MIER1: variants seen among roughly 807,000 people sequenced by gnomAD.
The protein encoded by MIER1 is mesoderm induction early response protein 1.
MIER1 carries 40 observed loss-of-function variants against 75.7 expected under a neutral mutation model. The ratio of observed to expected loss-of-function variants is 0.53; its 90% CI spans 0.41 to 0.69. MIER1 has a LOEUF of 0.69. Among genes scored for constraint, MIER1 ranks in the 30% least tolerant of loss-of-function variants. The pLI, the probability that MIER1 is intolerant of heterozygous loss-of-function variation, is 0.00. For missense variants in MIER1, 574 were observed against 680.2 expected (o/e 0.84, Z 1.74); for synonymous variants, 213 against 223.4 (o/e 0.95, Z 0.42).
chr1:66,957,817 A>C (rs1660475103), intron 4 of MIER1, among the ~76,000 whole-genome samples: 1 of 152,138 alleles, frequency 6.6e-6, no homozygotes, highest in East Asian at 1.9e-4. Context: ...GCCACTTTTT[A>C]ATTATACTTA....
intron 3 of MIER1, among the ~76,000 whole-genome samples, chr1:66,944,959 C>T (rs911950600): frequency 6.6e-6 from 1 of 151,998 alleles, no homozygotes; most frequent in Non-Finnish European, 1.5e-5. Context: ...CTCTTAGGCT[C>T]AGGTGATCCT....
chr1:66,936,406 G>A (rs1654850477), intron 2 of MIER1, among the ~76,000 whole-genome samples: 2 of 151,498 alleles, frequency 1.3e-5, no homozygotes, highest in African/African-American at 4.8e-5. Context: ...AAAAGTTTTT[G>A]TATTTTAGTA....
intron 11 of MIER1, among the ~76,000 whole-genome samples, chr1:66,975,240 C>T (rs1006232947): frequency 3.9e-5 from 6 of 152,130 alleles, no homozygotes; most frequent in African/African-American, 1.4e-4. Context: ...TTTAAATGGT[C>T]AGTATTGCCG....
At position 66,982,126 on chromosome 1, in the gene MIER1, C is replaced by G. The variant is rs143864195; in HGVS notation, c.1369+208C>G. On this transcript the variant is annotated intron_variant, in intron 13 of 13. Transcript: ENST00000401041. ...CACTAAAAAGTAATTTTAATAAAGC[C>G]TACTGTCAACAGTGACTATTTCTTG... 2.6e-3 allele frequency among the ~76,000 whole-genome samples: 399 copies of G among 152,270 alleles called. 1 individual carries two copies. Among genetic ancestry groups the G allele is most frequent in the African/African-American group, 9.3e-3 (385 of 41,536 alleles).
At chr1:66,945,110 CTG>C (rs1242343499) in intron 3 of MIER1, among the ~76,000 whole-genome samples, 1 of 152,042 alleles carries the variant, frequency 6.6e-6, no homozygotes, top group African/African-American at 2.4e-5. Flanking sequence ...ATTCAGATGA[CTG>C]TATATTTCAC....
chr1:66,934,064 T>C (rs1490010732), intron 2 of MIER1, among the ~76,000 whole-genome samples: 1 of 152,164 alleles, frequency 6.6e-6, no homozygotes, highest in Non-Finnish European at 1.5e-5. Flanking sequence ...AACAATAACT[T>C]ATTATGTAGG....
At chr1:66,926,931 A>T (rs3736905) in intron 2 of MIER1, among the ~76,000 whole-genome samples, 4 of 151,840 alleles carry the variant, frequency 2.6e-5, no homozygotes, top group Non-Finnish European at 1.5e-5. Context: ...GTATATATAT[A>T]TATGTTACTT....
chr1:66,961,698 AC>A lies in MIER1; in HGVS notation c.700-1386del, dbSNP rs1394368954. ...ATCCAGGCATTGATGGTTTAGAAGC[AC>A]CCCAGCCAGGGTTAGTAACTTGACA... On this transcript the variant is annotated intron_variant, in intron 7 of 13. Transcript: ENST00000401041. 2.6e-5 allele frequency among the ~76,000 whole-genome samples: 4 copies of A among 152,318 alleles called. No individual in the cohort carries two copies. The East Asian group carries it at 7.7e-4, about 29-fold the overall frequency.
rs554560505 is a variant in MIER1 at position 66,925,395 on chromosome 1, G to A, written c.67+300G>A. ...ATCCGCTGCGGAGTGAGTTCGCCTCGCCCCGTTCGCTTCGGTCCCTGATCC... is the reference window on the plus strand; with the variant it reads ...ATCCGCTGCGGAGTGAGTTCGCCTCACCCCGTTCGCTTCGGTCCCTGATCC... On this transcript the variant is annotated intron_variant, in intron 1 of 13. Transcript: ENST00000401041. 1.6e-5 allele frequency: 16 copies of A among 985,406 alleles called. No individual in the cohort carries two copies. The East Asian group carries it at 1.0e-3, about 63-fold the overall frequency. 61.0% of individuals were successfully genotyped at this position (985,406 alleles called of 1,614,324 possible).
At chr1:66,931,260 A>G (rs1365688864) in intron 2 of MIER1, among the ~76,000 whole-genome samples, 4 of 152,228 alleles carry the variant, frequency 2.6e-5, no homozygotes, top group African/African-American at 9.6e-5. Context: ...ATCGGAACTA[A>G]GTATACGCTA....
intron 2 of MIER1, among the ~76,000 whole-genome samples, chr1:66,928,102 A>C (rs1484947670): frequency 1.3e-5 from 2 of 152,112 alleles, no homozygotes; most frequent in Non-Finnish European, 2.9e-5. Context: ...GAACCTAAAA[A>C]ACCCACTGAA....
At chr1:66,941,573 A>G (rs1402059633) in intron 3 of MIER1, among the ~76,000 whole-genome samples, 1 of 152,216 alleles carries the variant, frequency 6.6e-6, no homozygotes, top group Admixed American at 6.5e-5. Context: ...GTACATAGAT[A>G]CATAAAATAA....
intron 2 of MIER1, 34 bp from the exon 3 acceptor site, chr1:66,939,969 TGTTTGTGAAGATACATTATACAGAA>T: frequency 7.4e-7 from 1 of 1,348,824 alleles, no homozygotes; most frequent in Non-Finnish European, 1.1e-6. Context: ...ATTTCGGTAA[TGTTTGTGAAGATACATTATACAGAA>T]ATACTAATTT....
At chr1:66,933,083 CT>C (rs34341299) in intron 2 of MIER1, among the ~76,000 whole-genome samples, 2 of 152,106 alleles carry the variant, frequency 1.3e-5, no homozygotes, top group South Asian at 4.1e-4. Context: ...TTGCTTAATA[CT>C]TTTTGGCAAT....
chr1:66,972,857 G>C lies in MIER1; in HGVS notation c.1007-40G>C, dbSNP rs749996226. The C allele has an allele frequency of 7.8e-6, 8 of 1,019,678 alleles. No homozygotes were observed. The South Asian group carries it at 1.1e-4, about 14-fold the overall frequency. 63.2% of individuals were successfully genotyped at this position (1,019,678 alleles called of 1,614,324 possible). On this transcript the variant is annotated intron_variant, in intron 10 of 13. Transcript: ENST00000401041. Reference sequence around the variant, plus strand: ...TAATTTTGTTATATGCAATAATTGGGGGAATATTGCTTAACAGTTTGTTCC... The same window carrying C: ...TAATTTTGTTATATGCAATAATTGGCGGAATATTGCTTAACAGTTTGTTCC...
At chr1:66,938,637 T>C (rs1655479028) in intron 2 of MIER1, among the ~76,000 whole-genome samples, 1 of 152,182 alleles carries the variant, frequency 6.6e-6, no homozygotes, top group African/African-American at 2.4e-5. Flanking sequence ...GCATTACTCT[T>C]GTCATGTCAC....
intron 13 of MIER1, among the ~76,000 whole-genome samples, chr1:66,983,758 C>T (rs558553262): frequency 5.3e-5 from 8 of 152,222 alleles, no homozygotes; most frequent in East Asian, 3.9e-4. Context: ...GACAGAGTCT[C>T]GCTTTGTCGC....
intron 4 of MIER1, among the ~76,000 whole-genome samples, chr1:66,954,335 C>G (rs1029254503): frequency 2.0e-5 from 3 of 152,100 alleles, no homozygotes; most frequent in African/African-American, 7.2e-5. Flanking sequence ...ATAACAGAAG[C>G]CTTTAAAAAT....
intron 3 of MIER1, among the ~76,000 whole-genome samples, chr1:66,943,811 A>G (rs1363695043): frequency 2.0e-5 from 3 of 152,212 alleles, no homozygotes; most frequent in African/African-American, 7.2e-5. Flanking sequence ...GTCTTAGTAC[A>G]TAGACTCTCC....
Sources: allele counts gnomAD v4.1 joint callset (sites outside exome capture counted in the v4.1 genomes callset), GRCh38; gene constraint gnomAD v4.1.1; transcripts MANE v1.5; gene names NCBI Gene and HGNC (gene_info 2026-07-23, HGNC 2026-07-21).